The following AMPH variants were observed in gnomAD, a reference collection of about 807,000 sequenced individuals.
AMPH encodes amphiphysin.
Under a neutral mutation model 99.1 loss-of-function variants are expected in AMPH, and 49 were observed. The observed-to-expected ratio is 0.49, with a 90% CI of 0.39 to 0.63. The LOEUF is 0.63. Among genes scored for constraint, AMPH ranks in the 20% least tolerant of loss-of-function variants. The pLI is 0.00. For synonymous variants in AMPH, 314 were observed against 317.3 expected, an observed-to-expected ratio of 0.99 and a Z score of 0.11; for missense variants, 759 against 863.4, an observed-to-expected ratio of 0.88 and a Z score of 1.52.
At chr7:38,578,927 TA>T (rs1792345741) in intron 1 of AMPH, among the ~76,000 whole-genome samples, 2 of 152,252 alleles carry the variant, frequency 1.3e-5, no homozygotes, top group African/African-American at 4.8e-5. Flanking sequence ...TTCTTTTATT[TA>T]CTTCTGCTTT....
intron 1 of AMPH, among the ~76,000 whole-genome samples, chr7:38,571,256 T>A (rs1339912689): frequency 5.2e-5 from 3 of 57,552 alleles, no homozygotes; most frequent in African/African-American, 2.2e-4. Flanking sequence ...AAATATATAT[T>A]AAATATATAT....
At chr7:38,474,188 C>T (rs1787999339) in intron 7 of AMPH, among the ~76,000 whole-genome samples, 1 of 151,696 alleles carries the variant, frequency 6.6e-6, no homozygotes, top group African/African-American at 2.4e-5. Flanking sequence ...TCTTTGGTTT[C>T]CTGTAGGTAA....
rs1171239030 is a variant in AMPH at position 38,571,161 on chromosome 7, ATT to A, written c.70-36152_70-36151del. 1.4e-4 allele frequency among the ~76,000 whole-genome samples: 13 copies of A among 90,058 alleles called. No homozygotes were observed. In the East Asian group the frequency reaches 1.5e-3, roughly 10 times the overall value. 59.1% of individuals were successfully genotyped at this position (90,058 alleles called of 152,430 possible). A position where few individuals can be genotyped will look rare whatever the true frequency, so the allele number is the denominator to read the frequency against. Reference sequence around the variant, plus strand: ...TTTTTATATATTTATGAATATATATATTTTTATATATTTTTATATATGAATAT... The same window carrying A: ...TTTTTATATATTTATGAATATATATATTTATATATTTTTATATATGAATAT... On this transcript the variant is annotated intron_variant, in intron 1 of 20. Transcript: ENST00000356264.
At chr7:38,541,758 A>G (rs1447616641) in intron 1 of AMPH, among the ~76,000 whole-genome samples, 2 of 152,220 alleles carry the variant, frequency 1.3e-5, no homozygotes. Flanking sequence ...TACATGTCTC[A>G]TACATGAGTA....
chr7:38,473,706 G>A (rs1309942895), intron 7 of AMPH, among the ~76,000 whole-genome samples: 2 of 3,204 alleles, frequency 6.2e-4, no homozygotes, highest in Admixed American at 0.015. Context: ...GCGAGACTCC[G>A]TCTCAAAAAA....
intron 2 of AMPH, among the ~76,000 whole-genome samples, chr7:38,515,524 G>C (rs1312994861): frequency 6.6e-6 from 1 of 152,146 alleles, no homozygotes; most frequent in Non-Finnish European, 1.5e-5. Context: ...TTCCTGTACA[G>C]ACTGTGGAAC....
chr7:38,570,652 CT>C (rs1282912208), intron 1 of AMPH, among the ~76,000 whole-genome samples: 1 of 151,524 alleles, frequency 6.6e-6, no homozygotes, highest in Admixed American at 6.6e-5. Context: ...GGCTAGGTTA[CT>C]GGTTTCTGTA....
At chr7:38,440,031 T>G (rs1028251857) in intron 11 of AMPH, among the ~76,000 whole-genome samples, 4 of 152,166 alleles carry the variant, frequency 2.6e-5, no homozygotes, top group African/African-American at 9.7e-5. Flanking sequence ...GCATGTTTGG[T>G]TGGTTGGTTT....
intron 2 of AMPH, among the ~76,000 whole-genome samples, chr7:38,531,754 C>T (rs1033295487): frequency 6.6e-6 from 1 of 152,078 alleles, no homozygotes; most frequent in African/African-American, 2.4e-5. Context: ...TAATACAATG[C>T]ACAAATCCAA....
intron 17 of AMPH, among the ~76,000 whole-genome samples, chr7:38,412,071 G>C (rs1304231813): frequency 2.6e-5 from 4 of 152,102 alleles, no homozygotes; most frequent in African/African-American, 9.7e-5. Context: ...AGGTACCAAG[G>C]GCCTGGGGAG....
chr7:38,512,851 T>TA (rs1392467582), intron 2 of AMPH, among the ~76,000 whole-genome samples: 1 of 152,216 alleles, frequency 6.6e-6, no homozygotes, highest in African/African-American at 2.4e-5. Flanking sequence ...ATAAACAAGT[T>TA]AAACAAATGT....
chr7:38,565,048 C>T (rs950050846), intron 1 of AMPH, among the ~76,000 whole-genome samples: 8 of 150,994 alleles, frequency 5.3e-5, no homozygotes, highest in South Asian at 4.2e-4. Flanking sequence ...GGCGTGAACC[C>T]GGGAGGCAGA....
intron 5 of AMPH, among the ~76,000 whole-genome samples, chr7:38,480,699 G>A (rs34665148): frequency 0.058 from 8,792 of 152,194 alleles, 268 homozygotes; most frequent in South Asian, 0.11. Flanking sequence ...AGAGTAGAGT[G>A]GAAACCCTTC....
chr7:38,571,281 T>TTATATATATTTATATATGAA (rs1288335790), intron 1 of AMPH, among the ~76,000 whole-genome samples: 2 of 44,084 alleles, frequency 4.5e-5, no homozygotes, highest in East Asian at 6.7e-4. Flanking sequence ...ATATATATTT[T>TTATATATATTTATATATGAA]TATATATATT....
intron 2 of AMPH, among the ~76,000 whole-genome samples, chr7:38,510,816 C>T (rs10275840): frequency 0.98 from 148,861 of 152,280 alleles, 72,774 homozygotes; most frequent in East Asian, 1. Flanking sequence ...ATAATGTAAC[C>T]AAAGGCACCA....
chr7:38,594,985 G>A (rs558322625), intron 1 of AMPH, among the ~76,000 whole-genome samples: 1 of 152,300 alleles, frequency 6.6e-6, no homozygotes, highest in African/African-American at 2.4e-5. Flanking sequence ...CTGTTGTGGT[G>A]TACATTACAT....
intron 14 of AMPH, chr7:38,429,251 C>A: frequency 1.6e-6 from 2 of 1,286,692 alleles, no homozygotes; most frequent in Non-Finnish European, 2.0e-6. Context: ...CAGCCTCCGG[C>A]GCAGGCTTTG....
At chr7:38,624,688 A>T (rs1794185188) in intron 1 of AMPH, among the ~76,000 whole-genome samples, 1 of 151,974 alleles carries the variant, frequency 6.6e-6, no homozygotes, top group Non-Finnish European at 1.5e-5. Context: ...AAATAAAAAT[A>T]ATAAAAAAAT....
intron 1 of AMPH, among the ~76,000 whole-genome samples, chr7:38,538,433 G>A (rs1790692096): frequency 6.6e-6 from 1 of 152,182 alleles, no homozygotes; most frequent in Non-Finnish European, 1.5e-5. Context: ...GGTGGGAGGT[G>A]TGGAACTGGA....
Sources: allele counts gnomAD v4.1 joint callset (sites outside exome capture counted in the v4.1 genomes callset), GRCh38; gene constraint gnomAD v4.1.1; transcripts MANE v1.5; gene names NCBI Gene and HGNC (gene_info 2026-07-23, HGNC 2026-07-21).